The following UBXN11 variants were observed in gnomAD, a reference collection of about 807,000 sequenced individuals.
UBXN11 encodes the protein UBX domain protein 11.
A neutral mutation model predicts 62.8 loss-of-function variants in UBXN11; 47 were observed. That is an observed-to-expected ratio of 0.75 (90% confidence interval 0.59 to 0.95). The LOEUF (loss-of-function observed/expected upper bound fraction) is 0.95, where lower values mean the gene tolerates loss of function less well. UBXN11 is among the 40% of genes least tolerant of loss of function. UBXN11 has a pLI of 0.00. For synonymous variants in UBXN11, 294 were observed against 267.0 expected (o/e 1.10, Z -0.99); for missense variants, 638 against 661.7 (o/e 0.96, Z 0.39).
chr1:26,296,839 G>C (rs1024524162), intron 7 of UBXN11, 80 bp downstream of exon 7: 1 of 1,457,768 alleles, frequency 6.9e-7, no homozygotes, highest in African/African-American at 1.4e-5. Flanking sequence ...AGGTGGGCTC[G>C]GACCCAGCTC....
At chr1:26,303,260 C>T (rs919989235) in intron 1 of UBXN11, 13 of 165,664 alleles carry the variant, frequency 7.8e-5, no homozygotes, top group East Asian at 6.7e-4. Context: ...GGAGGCTGTC[C>T]GTCCATCAGC....
intron 8 of UBXN11, 77 bp downstream of exon 8, chr1:26,294,128 C>T (rs1394407831): frequency 6.3e-7 from 1 of 1,579,586 alleles, no homozygotes; most frequent in South Asian, 1.2e-5. Context: ...AGATAGGCCT[C>T]TGGGGAGCTG....
intron 1 of UBXN11, among the ~76,000 whole-genome samples, chr1:26,316,543 C>T (rs1570151623): frequency 1.3e-5 from 2 of 151,794 alleles, no homozygotes; most frequent in African/African-American, 4.8e-5. Flanking sequence ...TAGGGCAGCC[C>T]CAGAGGTTAC....
At chr1:26,292,334 G>A (rs535944959) in intron 8 of UBXN11, among the ~76,000 whole-genome samples, 44 of 152,014 alleles carry the variant, frequency 2.9e-4, no homozygotes, top group Non-Finnish European at 2.1e-4. Flanking sequence ...CCTTGGCAAC[G>A]TAGCGAGACC....
chr1:26,299,824 C>T (rs937856992), intron 4 of UBXN11, among the ~76,000 whole-genome samples: 6 of 151,888 alleles, frequency 4.0e-5, no homozygotes, highest in African/African-American at 1.4e-4. Flanking sequence ...ACCTGGTTGC[C>T]ATGGTTACTA....
intron 4 of UBXN11, among the ~76,000 whole-genome samples, chr1:26,299,277 C>T (rs900872518): frequency 2.6e-5 from 4 of 151,234 alleles, no homozygotes; most frequent in Non-Finnish European, 4.4e-5. Flanking sequence ...TTTGGGAGGC[C>T]GAGGCGGGCA....
chr1:26,296,354 T>G (rs535840035), intron 7 of UBXN11, among the ~76,000 whole-genome samples: 3 of 152,266 alleles, frequency 2.0e-5, no homozygotes, highest in African/African-American at 4.8e-5. Context: ...GTCGTGGAGT[T>G]CAGAGTCCCA....
At chr1:26,293,536 G>A (rs1035638965) in intron 8 of UBXN11, among the ~76,000 whole-genome samples, 3 of 151,864 alleles carry the variant, frequency 2.0e-5, no homozygotes, top group Non-Finnish European at 4.4e-5. Flanking sequence ...GACCAGCCTG[G>A]CCAACATGGT....
intron 8 of UBXN11, among the ~76,000 whole-genome samples, chr1:26,287,013 T>G (rs2073148395): frequency 6.6e-6 from 1 of 152,004 alleles, no homozygotes; most frequent in South Asian, 2.1e-4. Flanking sequence ...CAGGGGTTAT[T>G]TAGTTCCATT....
intron 1 of UBXN11, 172 bp from the exon 2 acceptor site, chr1:26,303,090 T>C (rs1019077408): frequency 5.7e-6 from 3 of 522,174 alleles, no homozygotes; most frequent in African/African-American, 1.9e-5. Flanking sequence ...AAGTTTCTGT[T>C]ATCTGCCTGC....
intron 12 of UBXN11, among the ~76,000 whole-genome samples, chr1:26,283,483 T>G: frequency 6.6e-6 from 1 of 152,112 alleles, no homozygotes; most frequent in South Asian, 2.1e-4. Flanking sequence ...AGTGCCAGCA[T>G]AAGGAACCTG....
chr1:26,285,036 A>G, intron 10 of UBXN11: 1 of 1,004,808 alleles, frequency 1.0e-6, no homozygotes, highest in African/African-American at 1.7e-5. Flanking sequence ...GCACCTACCC[A>G]TGGGGCCAGC....
chr1:26,316,085 A>C (rs898261813), intron 1 of UBXN11, among the ~76,000 whole-genome samples: 1 of 147,566 alleles, frequency 6.8e-6, no homozygotes, highest in African/African-American at 2.5e-5. Flanking sequence ...TCAGCCCCCA[A>C]GTAGCTGAGA....
In UBXN11 at chr1:26,285,538, A is replaced by C. The variant is rs2073108743; in HGVS notation, c.778T>G (p.Cys260Gly). 1 of 1,581,906 alleles carries C rather than the reference A, an allele frequency of 6.3e-7. No homozygotes were observed. The highest frequency in any genetic ancestry group is 1.1e-5 in the South Asian group (1 of 88,296). The change falls in exon 10 of 15, where the codon TGC (cysteine) becomes GGC (glycine). Residue 260 changes from cysteine to glycine, a missense_variant. Coordinates refer to ENST00000374222, the MANE Select transcript of UBXN11 (RefSeq NM_001389556.1). ...QPFYDPSTQRCLRDILDGFFP... is the reference protein window; with the variant it reads ...QPFYDPSTQRGLRDILDGFFP... ...AAGCCATCCAATATGTCTCGGAGGC[A>C]GCGCTGCAAGGGAAGAGGAAAAGTG... is the stretch of plus-strand genomic sequence containing the variant.
intron 2 of UBXN11, among the ~76,000 whole-genome samples, chr1:26,302,541 C>T (rs556642600): frequency 5.3e-4 from 80 of 152,224 alleles, no homozygotes; most frequent in African/African-American, 1.8e-3. Context: ...TCTGTGTTTG[C>T]AGAATTAATC....
At chr1:26,287,014 T>A (rs2073148446) in intron 8 of UBXN11, among the ~76,000 whole-genome samples, 1 of 152,106 alleles carries the variant, frequency 6.6e-6, no homozygotes. Context: ...AGGGGTTATT[T>A]AGTTCCATTT....
upstream of UBXN11, among the ~76,000 whole-genome samples, chr1:26,309,245 A>ATTTTTTTTTTT (rs34740186): frequency 8.9e-6 from 1 of 112,534 alleles, no homozygotes; most frequent in Non-Finnish European, 1.7e-5. Flanking sequence ...GAGTCAATTG[A>ATTTTTTTTTTT]TTTTTTTTTT....
chr1:26,318,171 T>G, exon 1 of UBXN11: 1 of 1,010,194 alleles, frequency 9.9e-7, no homozygotes, highest in Non-Finnish European at 1.6e-6. Flanking sequence ...CAGCCTTCTC[T>G]CCTGAGAGCA....
intron 10 of UBXN11, 93 bp from the exon 11 acceptor site, chr1:26,284,575 G>A (rs1210795113): frequency 1.4e-6 from 2 of 1,481,188 alleles, no homozygotes; most frequent in Non-Finnish European, 1.8e-6. Flanking sequence ...CAGGCCAAGG[G>A]TATGGTCTAA....
Sources: allele counts gnomAD v4.1 joint callset (sites outside exome capture counted in the v4.1 genomes callset), GRCh38; gene constraint gnomAD v4.1.1; transcripts MANE v1.5; gene names NCBI Gene and HGNC (gene_info 2026-07-23, HGNC 2026-07-21).